KASH5: variants seen among roughly 807,000 people sequenced by gnomAD.
KASH5 encodes KASH domain containing 5.
KASH5 carries 72 observed loss-of-function variants against 84.2 expected under a neutral mutation model. That is an observed-to-expected ratio of 0.85 (90% CI 0.71 to 1.04). The LOEUF (loss-of-function observed/expected upper bound fraction) is 1.04, where lower values mean the gene tolerates loss of function less well. Ranked by LOEUF, KASH5 falls within the 50% of genes least tolerant of loss-of-function variation. KASH5 has a pLI of 0.00. For missense variants in KASH5, 650 were observed against 701.0 expected, an observed-to-expected ratio of 0.93 and a Z score of 0.82; for synonymous variants, 260 against 279.1, an observed-to-expected ratio of 0.93 and a Z score of 0.68.
intron 2 of KASH5, among the ~76,000 whole-genome samples, chr19:49,391,427 TA>T (rs1458376950): frequency 1.2e-4 from 18 of 152,298 alleles, no homozygotes; most frequent in Admixed American, 1.0e-3. Flanking sequence ...ATAGGTAATT[TA>T]TTATTTTTTA....
chr19:49,417,767 T>C lies in KASH5; in HGVS notation c.*257T>C, dbSNP rs1814458329. ...ACAAAACAAGCCTGGCGAGGGCAGC[T>C]GTGGGCACACAGCTAAGTCTCGGTT... On this transcript the variant is annotated 3_prime_UTR_variant, in exon 20 of 20. Coordinates refer to ENST00000447857, the MANE Select transcript of KASH5 (RefSeq NM_144688.5). The surrounding 1 kb of genome is among the most constrained non-coding windows in gnomAD (Gnocchi z 5.2). The C allele has an allele frequency of 2.4e-6, 1 of 414,286 alleles. No individual in the cohort carries two copies. Among genetic ancestry groups the C allele is most frequent in the Non-Finnish European group, 4.1e-6 (1 of 243,490 alleles). 25.7% of individuals were successfully genotyped at this position (414,286 alleles called of 1,614,324 possible). A position where few individuals can be genotyped will look rare whatever the true frequency, so the allele number is the denominator to read the frequency against.
rs771698416 is a variant in KASH5, at chr19:49,397,605, T to C, written c.401-46T>C. ...TCAGAGCCCTGGGGCACTTTACGTTTAAGGGTTCCAGGGAAGCCAACATTC... is the reference window on the plus strand; with the variant it reads ...TCAGAGCCCTGGGGCACTTTACGTTCAAGGGTTCCAGGGAAGCCAACATTC... On this transcript the variant is annotated intron_variant, in intron 5 of 19. Coordinates refer to ENST00000447857, the MANE Select transcript of KASH5 (RefSeq NM_144688.5). 6.3e-6 allele frequency: 10 copies of C among 1,586,002 alleles called. No homozygotes were observed. In the East Asian group the frequency reaches 2.0e-4, roughly 32 times the overall value.
Position 49,414,884 on chromosome 19 carries a change from G to GC in KASH5, c.1329-64dup. 1 of 1,565,926 alleles carries GC rather than the reference G, an allele frequency of 6.4e-7. No homozygotes were observed. Among genetic ancestry groups the GC allele is most frequent in the Non-Finnish European group, 8.7e-7 (1 of 1,151,752 alleles). On this transcript the variant is annotated intron_variant, in intron 16 of 19. Coordinates refer to ENST00000447857, the MANE Select transcript of KASH5 (RefSeq NM_144688.5). The surrounding 1 kb of genome is among the most constrained non-coding windows in gnomAD (Gnocchi z 4.5). ...CCCCTGCTCCAAGGCTTCTCTCCCAGCCCATAGTAGGCAAAGGGAACCAGG... is the reference window on the plus strand; with the variant it reads ...CCCCTGCTCCAAGGCTTCTCTCCCAGCCCCATAGTAGGCAAAGGGAACCAGG...
chr19:49,401,585 CAA>C (rs987502252), intron 9 of KASH5, among the ~76,000 whole-genome samples: 4 of 152,292 alleles, frequency 2.6e-5, no homozygotes, highest in Non-Finnish European at 5.9e-5. Context: ...TCTCAGATCA[CAA>C]GACTTCCAGG....
chr19:49,404,052 G>C (rs368850536), intron 9 of KASH5, among the ~76,000 whole-genome samples: 1 of 152,244 alleles, frequency 6.6e-6, no homozygotes, highest in Non-Finnish European at 1.5e-5. Context: ...GTTCCCTGCC[G>C]AGTGGCCCAG....
Position 49,399,155 on chromosome 19 carries a change from C to T in KASH5, c.747+13C>T, listed in dbSNP as rs1974282534. ...AGCCCGGCAGGCGGTGGGTCTGGCC[C>T]AGGGGAAGGAAGGTGCCCTCTCTCT... On this transcript the variant is annotated intron_variant, in intron 8 of 19. Transcript: ENST00000447857. This position sits in a 1 kb window ranked among gnomAD's most constrained non-coding sequence, Gnocchi z 4.4. 5 of 1,539,898 alleles carry T rather than the reference C, an allele frequency of 3.2e-6. No individual in the cohort carries two copies. In the East Asian group the frequency reaches 1.2e-4, roughly 38 times the overall value.
At chr19:49,409,661 T>A in intron 14 of KASH5, 92 bp from the exon 15 acceptor site, 1 of 1,531,484 alleles carries the variant, frequency 6.5e-7, no homozygotes, top group South Asian at 1.1e-5. Context: ...TCATCCTATT[T>A]TCAGCCGCAC....
rs1974162992 is a variant in KASH5, at chr19:49,395,957, TGA to T, written c.400+126_400+127del. ...GGACCTTTACTGTAGACTAGAGCTG[TGA>T]GTGTGGCTTTCTAGGTCCTCCGTCC... On this transcript the variant is annotated intron_variant, in intron 5 of 19. Transcript: ENST00000447857. The surrounding 1 kb of genome is among the most constrained non-coding windows in gnomAD (Gnocchi z 4.4). 1.4e-6 allele frequency: 1 copy of T among 729,518 alleles called. No homozygotes were observed. The highest frequency in any genetic ancestry group is 2.3e-6 in the Non-Finnish European group (1 of 435,286). 45.2% of individuals were successfully genotyped at this position (729,518 alleles called of 1,614,324 possible).
intron 5 of KASH5, among the ~76,000 whole-genome samples, chr19:49,396,583 C>A: frequency 6.6e-6 from 1 of 152,076 alleles, no homozygotes; most frequent in East Asian, 1.9e-4. Flanking sequence ...AAGGGGAAGC[C>A]CTGGTATGCC....
Position 49,391,512 on chromosome 19 carries a change from A to G in KASH5, c.43+586A>G, listed in dbSNP as rs571404258. Among the ~76,000 whole-genome samples the G allele has an allele frequency of 3.9e-5, 6 of 152,358 alleles. No individual in the cohort carries two copies. The East Asian group carries it at 7.7e-4, about 20-fold the overall frequency. On this transcript the variant is annotated intron_variant, in intron 2 of 19. Coordinates refer to ENST00000447857, the MANE Select transcript of KASH5 (RefSeq NM_144688.5). ...ATATAGCCAGACTAATACCCTGTAT[A>G]TTATATATGTATACAGGATATACAT...
chr19:49,402,473 G>A (rs181949256), intron 9 of KASH5, among the ~76,000 whole-genome samples: 61 of 152,246 alleles, frequency 4.0e-4, no homozygotes, highest in African/African-American at 1.1e-3. Context: ...TTGGGAGGCC[G>A]AGATGGGTGG....
intron 9 of KASH5, among the ~76,000 whole-genome samples, chr19:49,403,095 C>T (rs1388143883): frequency 6.6e-6 from 1 of 152,184 alleles, no homozygotes; most frequent in Non-Finnish European, 1.5e-5. Flanking sequence ...CGGTGGCTCA[C>T]ACCTGTAATC....
chr19:49,395,674 G>C lies in KASH5; in HGVS notation c.336-95G>C. On this transcript the variant is annotated intron_variant, in intron 4 of 19. Coordinates refer to ENST00000447857, the MANE Select transcript of KASH5 (RefSeq NM_144688.5). This position sits in a 1 kb window ranked among gnomAD's most constrained non-coding sequence, Gnocchi z 4.4. ...TGTGGTGCCAGCTCTCACCTGACCC[G>C]GTCCCCTCCTCCCACCTGCAATCCC... 1.6e-6 allele frequency: 2 copies of C among 1,286,904 alleles called. No homozygotes were observed. The highest frequency in any genetic ancestry group is 2.2e-6 in the Non-Finnish European group (2 of 913,844). The allele number at this position is 1,286,904 out of a possible 1,614,324, so 79.7% of individuals were successfully genotyped here. A position where few individuals can be genotyped will look rare whatever the true frequency, so the allele number is the denominator to read the frequency against.
Position 49,398,033 on chromosome 19 carries a change from C to A in KASH5, c.519C>A (p.Asn173Lys). Residue 173 changes from asparagine (N) to lysine (K), a missense_variant, in exon 7 of 20, where the codon AAC becomes AAA. Asn to Lys is a moderately conservative substitution (Grantham distance 94). Transcript: ENST00000447857. ...LSSLEDLELS[N>K]RRLVGENAKL... ...GCCTGGAGGACCTGGAGCTCAGCAA[C>A]CGACGTCTGGTTGGGGAGAATGCCA... 1 of 1,613,948 alleles carries A rather than the reference C, an allele frequency of 6.2e-7. No homozygotes were observed. The highest frequency in any genetic ancestry group is 1.3e-5 in the African/African-American group (1 of 75,046).
rs1974740971 is a variant in KASH5 at position 49,412,156 on chromosome 19, G to T, written c.1270-812G>T. The stretch of plus-strand genomic sequence containing the variant: ...TGTACTTTTCTTCATAAAGCCACAA[G>T]AAGGGTGGGGTCAGCTCCGGGCTTA... On this transcript the variant is annotated intron_variant, in intron 15 of 19. Coordinates refer to ENST00000447857, the MANE Select transcript of KASH5 (RefSeq NM_144688.5). This position sits in a 1 kb window ranked among gnomAD's most constrained non-coding sequence, Gnocchi z 4.6. 6.6e-6 allele frequency among the ~76,000 whole-genome samples: 1 copy of T among 152,184 alleles called. No individual in the cohort carries two copies. The highest frequency in any genetic ancestry group is 2.4e-5 in the African/African-American group (1 of 41,458).
chr19:49,389,133 C>G (rs569954557), intron 1 of KASH5, among the ~76,000 whole-genome samples: 1 of 119,260 alleles, frequency 8.4e-6, no homozygotes, highest in Admixed American at 9.4e-5. Flanking sequence ...CAGAGACCCC[C>G]GCATAAATCA....
At chr19:49,396,581 G>A (rs1183434837) in intron 5 of KASH5, among the ~76,000 whole-genome samples, 5 of 152,122 alleles carry the variant, frequency 3.3e-5, no homozygotes, top group Non-Finnish European at 5.9e-5. Context: ...CAAAGGGGAA[G>A]CCCTGGTATG....
chr19:49,398,985 C>T (rs1450452067), intron 7 of KASH5, 40 bp from the exon 8 acceptor site: 2 of 1,450,936 alleles, frequency 1.4e-6, no homozygotes, highest in Non-Finnish European at 1.9e-6. Context: ...CTCTGCCTTC[C>T]TCCCTCTCGT....
intron 6 of KASH5, 90 bp from the exon 7 acceptor site, chr19:49,397,892 C>T: frequency 6.7e-7 from 1 of 1,491,882 alleles, no homozygotes; most frequent in Non-Finnish European, 9.1e-7. Context: ...CCCAAAAGAG[C>T]CACATCTCCC....
Sources: allele counts gnomAD v4.1 joint callset (sites outside exome capture counted in the v4.1 genomes callset), GRCh38; gene constraint gnomAD v4.1.1; non-coding constraint Gnocchi (gnomAD v3.1); transcripts MANE v1.5; gene names NCBI Gene and HGNC (gene_info 2026-07-23, HGNC 2026-07-21).